LRRC4C: variants seen among roughly 807,000 people sequenced by gnomAD.
The protein encoded by LRRC4C is leucine-rich repeat-containing protein 4C.
A neutral mutation model predicts 33.6 loss-of-function variants in LRRC4C; 5 were observed. That is an observed-to-expected ratio of 0.15 (90% CI 0.08 to 0.31). The LOEUF is 0.31. LRRC4C is among the 10% of genes least tolerant of loss of function. The pLI is 1.00. For synonymous variants in LRRC4C, 329 were observed against 302.0 expected (o/e 1.09, Z -0.93); for missense variants, 560 against 796.7 (o/e 0.70, Z 3.58).
At chr11:40,371,006 T>TA (rs1034105638) in intron 3 of LRRC4C, among the ~76,000 whole-genome samples, 2 of 152,012 alleles carry the variant, frequency 1.3e-5, no homozygotes, top group African/African-American at 2.4e-5. Context: ...TTGATTTTTT[T>TA]AAAAAAAATC....
rs1027912840 is a variant in LRRC4C, at chr11:41,395,528, T to C, written c.-496+63903A>G. 2.6e-5 allele frequency among the ~76,000 whole-genome samples: 4 copies of C among 152,050 alleles called. No homozygotes were observed. In the South Asian group the frequency reaches 8.3e-4, roughly 32 times the overall value. On this transcript the variant is annotated intron_variant, in intron 1 of 6. Coordinates refer to ENST00000528697, the MANE Select transcript of LRRC4C (RefSeq NM_001258419.2). ...TAATCAAATAATAATACAAAAGAAA[T>C]CATTAGTGTCTTAAATTACAGTCAT...
intron 4 of LRRC4C, among the ~76,000 whole-genome samples, chr11:40,273,946 A>G (rs1942898337): frequency 6.6e-6 from 1 of 151,934 alleles, no homozygotes; most frequent in Admixed American, 6.6e-5. Context: ...AGTTTAGTCT[A>G]TTTTCCCCAC....
chr11:41,257,334 G>A (rs978651807), intron 1 of LRRC4C, among the ~76,000 whole-genome samples: 11 of 151,870 alleles, frequency 7.2e-5, no homozygotes, highest in African/African-American at 2.7e-4. Flanking sequence ...AAAGAAAAGA[G>A]TAAGATTCAA....
intron 4 of LRRC4C, among the ~76,000 whole-genome samples, chr11:40,270,655 C>CT (rs1942624572): frequency 6.6e-6 from 1 of 152,062 alleles, no homozygotes; most frequent in Admixed American, 6.6e-5. Flanking sequence ...TTCAACCAAT[C>CT]TAAGAACCCA....
At chr11:40,862,402 G>C (rs961987692) in intron 2 of LRRC4C, among the ~76,000 whole-genome samples, 1 of 152,074 alleles carries the variant, frequency 6.6e-6, no homozygotes, top group Admixed American at 6.6e-5. Flanking sequence ...TTTGTAGGAG[G>C]CAAAGAATCA....
At chr11:40,640,753 G>T (rs536291698) in intron 3 of LRRC4C, among the ~76,000 whole-genome samples, 64 of 152,020 alleles carry the variant, frequency 4.2e-4, no homozygotes, top group African/African-American at 1.5e-3. Flanking sequence ...CATGGCTCAC[G>T]CCTGTAATCC....
chr11:40,639,057 T>C (rs1038256755), intron 3 of LRRC4C, among the ~76,000 whole-genome samples: 3 of 151,996 alleles, frequency 2.0e-5, no homozygotes, highest in African/African-American at 7.2e-5. Flanking sequence ...CCTTCCCTGG[T>C]TTTTATTTCC....
intron 1 of LRRC4C, among the ~76,000 whole-genome samples, chr11:41,166,323 G>C (rs1012550689): frequency 6.6e-6 from 1 of 152,084 alleles, no homozygotes; most frequent in African/African-American, 2.4e-5. Flanking sequence ...TTGCATTGCT[G>C]TTCTTCAGTA....
intron 1 of LRRC4C, among the ~76,000 whole-genome samples, chr11:40,956,111 T>C (rs1958943841): frequency 1.3e-5 from 2 of 151,764 alleles, no homozygotes; most frequent in African/African-American, 4.8e-5. Flanking sequence ...TCTTGAACAG[T>C]GAGCAATGGA....
chr11:40,891,855 G>A (rs1362842021), intron 2 of LRRC4C, among the ~76,000 whole-genome samples: 6 of 152,158 alleles, frequency 3.9e-5, no homozygotes, highest in East Asian at 1.9e-4. Context: ...TTCTTCGGGG[G>A]CTGGGCGTGG....
At chr11:40,161,125 G>C (rs1211255203) in intron 5 of LRRC4C, among the ~76,000 whole-genome samples, 1 of 151,948 alleles carries the variant, frequency 6.6e-6, no homozygotes, top group African/African-American at 2.4e-5. Context: ...ATAAGTTTTA[G>C]TAGGAGAAAA....
At chr11:40,451,499 C>T (rs1267394166) in intron 3 of LRRC4C, among the ~76,000 whole-genome samples, 1 of 146,248 alleles carries the variant, frequency 6.8e-6, no homozygotes, top group African/African-American at 2.5e-5. Flanking sequence ...AATTCTCCTG[C>T]CTCAGCCTCC....
intron 1 of LRRC4C, among the ~76,000 whole-genome samples, chr11:41,023,516 C>A (rs567361030): frequency 6.6e-6 from 1 of 151,782 alleles, no homozygotes; most frequent in South Asian, 2.1e-4. Context: ...AAAAAAATAT[C>A]CCTGTAGTAT....
At chr11:40,708,057 A>G (rs1261430529) in intron 2 of LRRC4C, among the ~76,000 whole-genome samples, 18 of 152,074 alleles carry the variant, frequency 1.2e-4, no homozygotes, top group Admixed American at 1.2e-3. Flanking sequence ...CGGTGGTGAC[A>G]TCCCCTTTAT....
At chr11:40,628,273 C>T (rs1168019905) in intron 3 of LRRC4C, among the ~76,000 whole-genome samples, 1 of 151,976 alleles carries the variant, frequency 6.6e-6, no homozygotes, top group Non-Finnish European at 1.5e-5. Flanking sequence ...GTCAGGAGAT[C>T]GAGACCATCC....
intron 4 of LRRC4C, among the ~76,000 whole-genome samples, chr11:40,302,820 G>A (rs994577661): frequency 6.6e-6 from 1 of 152,086 alleles, no homozygotes; most frequent in East Asian, 1.9e-4. Flanking sequence ...GTGTATGCTT[G>A]ATCCAAGAAA....
chr11:40,851,722 G>A (rs537329114), intron 2 of LRRC4C, among the ~76,000 whole-genome samples: 35 of 152,320 alleles, frequency 2.3e-4, no homozygotes, highest in Non-Finnish European at 4.4e-4. Flanking sequence ...GGAGGTTGCA[G>A]TGAGCCGACA....
intron 1 of LRRC4C, among the ~76,000 whole-genome samples, chr11:41,242,377 T>C (rs1399262546): frequency 1.3e-5 from 2 of 152,166 alleles, no homozygotes; most frequent in Non-Finnish European, 2.9e-5. Context: ...TTTCATGAGA[T>C]AATCACACCC....
chr11:40,564,486 C>T (rs900434217), intron 3 of LRRC4C, among the ~76,000 whole-genome samples: 1 of 152,154 alleles, frequency 6.6e-6, no homozygotes, highest in African/African-American at 2.4e-5. Context: ...GGTGGCTCTT[C>T]TATGCAGGTT....
Sources: allele counts gnomAD v4.1 joint callset (sites outside exome capture counted in the v4.1 genomes callset), GRCh38; gene constraint gnomAD v4.1.1; transcripts MANE v1.5; gene names NCBI Gene and HGNC (gene_info 2026-07-23, HGNC 2026-07-21).